The following LCORL variants were observed in gnomAD, a reference collection of about 807,000 sequenced individuals.
LCORL encodes the protein ligand-dependent nuclear receptor corepressor-like protein.
A neutral mutation model predicts 141.8 loss-of-function variants in LCORL; 41 were observed. The observed-to-expected ratio is 0.29, with a 90% confidence interval of 0.23 to 0.38. The LOEUF (loss-of-function observed/expected upper bound fraction) is 0.38. Ranked by LOEUF, LCORL falls within the 10% of genes least tolerant of loss-of-function variation. The probability of loss-of-function intolerance (pLI) is 1.00; values close to 1 mark genes in which losing one functional copy is unlikely to be tolerated. For synonymous variants in LCORL, 618 were observed against 694.1 expected, an observed-to-expected ratio of 0.89 and a Z score of 1.72; for missense variants, 1,759 against 2,035.0, an observed-to-expected ratio of 0.86 and a Z score of 2.61.
intron 5 of LCORL, among the ~76,000 whole-genome samples, chr4:17,906,190 T>C (rs1414697936): frequency 6.6e-6 from 1 of 152,220 alleles, no homozygotes; most frequent in Non-Finnish European, 1.5e-5. Flanking sequence ...TCAAAGGGTA[T>C]GTGCTTCATT....
At chr4:17,952,455 G>A (rs757690830) in intron 4 of LCORL, among the ~76,000 whole-genome samples, 6 of 135,584 alleles carry the variant, frequency 4.4e-5, no homozygotes, top group Admixed American at 8.1e-5. Flanking sequence ...TTGTTCTGTC[G>A]CCCAGGCTGG....
At chr4:17,874,808 C>T in exon 7 of LCORL, 1 of 1,233,606 alleles carries the variant, frequency 8.1e-7, no homozygotes, top group Non-Finnish European at 1.0e-6. Context: ...TTTTTGCATT[C>T]CGCGAAAGTC....
chr4:17,999,134 C>T (rs1260107330), intron 1 of LCORL, among the ~76,000 whole-genome samples: 1 of 150,406 alleles, frequency 6.6e-6, no homozygotes, highest in Non-Finnish European at 1.5e-5. Flanking sequence ...TTTGTTTGTA[C>T]TAGCATTACT....
chr4:18,021,509 A>C lies in LCORL; in HGVS notation c.154+89T>G. 1 of 1,153,832 alleles carries C rather than the reference A, an allele frequency of 8.7e-7. No individual in the cohort carries two copies. Among genetic ancestry groups the C allele is most frequent in the Non-Finnish European group, 1.2e-6 (1 of 846,544 alleles). The allele number at this position is 1,153,832 out of a possible 1,614,324, so 71.5% of individuals were successfully genotyped here. A position where few individuals can be genotyped will look rare whatever the true frequency, so the allele number is the denominator to read the frequency against. On this transcript the variant is annotated intron_variant, in intron 1 of 7. Coordinates refer to ENST00000635767, the Ensembl canonical transcript of LCORL. This position sits in a 1 kb window ranked among gnomAD's most constrained non-coding sequence, Gnocchi z 5.5. ...CCCACCGAACTAACCCGAACGGGAG[A>C]TTCAACTAAACCCCTCAGCCACAAA...
chr4:17,999,963 G>T (rs1022076497), intron 1 of LCORL, among the ~76,000 whole-genome samples: 2 of 152,108 alleles, frequency 1.3e-5, no homozygotes, highest in African/African-American at 4.8e-5. Flanking sequence ...AATAGCTGTG[G>T]GGTAGAATGA....
intron 5 of LCORL, among the ~76,000 whole-genome samples, chr4:17,903,887 A>C (rs13116461): frequency 0.022 from 3,313 of 152,134 alleles, 64 homozygotes; most frequent in Non-Finnish European, 0.035. Flanking sequence ...TTCAACAAAC[A>C]TTTACAGCAT....
exon 7 of LCORL, chr4:17,874,966 G>T: frequency 2.4e-6 from 3 of 1,233,844 alleles, no homozygotes; most frequent in Non-Finnish European, 3.0e-6. Flanking sequence ...GCTAATGAAT[G>T]TAAGAAATGC....
exon 8 of LCORL, chr4:17,844,441 G>C (rs904210698): frequency 6.6e-6 from 1 of 152,350 alleles, no homozygotes; most frequent in Admixed American, 6.6e-5. Context: ...GAAATTTTAA[G>C]ATGGAGCTAA....
Position 17,962,965 on chromosome 4 carries a change from C to A in LCORL, c.300+5G>T. The A allele has an allele frequency of 6.5e-7, 1 of 1,535,210 alleles. No individual in the cohort carries two copies. The highest frequency in any genetic ancestry group is 8.8e-7 in the Non-Finnish European group (1 of 1,131,666). On this transcript the variant is annotated splice_donor_5th_base_variant and intron_variant, in intron 3 of 7. Coordinates refer to ENST00000635767, the Ensembl canonical transcript of LCORL. ...TAAAGATAATTTCATAGCACTAAAA[C>A]TTACACTGACTGCTTCTCTCTGTAG...
chr4:17,991,329 C>T (rs965616596), intron 1 of LCORL, among the ~76,000 whole-genome samples: 5 of 152,130 alleles, frequency 3.3e-5, no homozygotes, highest in Non-Finnish European at 5.9e-5. Context: ...TTAAGGAAGG[C>T]GCCTCTAATT....
intron 4 of LCORL, among the ~76,000 whole-genome samples, chr4:17,936,814 G>T (rs2109450339): frequency 6.6e-6 from 1 of 152,142 alleles, no homozygotes; most frequent in East Asian, 1.9e-4. Context: ...CAATAACTTA[G>T]TTTAATTAGA....
chr4:18,003,411 T>G (rs762668620), intron 1 of LCORL, among the ~76,000 whole-genome samples: 4 of 148,524 alleles, frequency 2.7e-5, no homozygotes, highest in Non-Finnish European at 5.9e-5. Flanking sequence ...AGTAAAAGAT[T>G]ACTTTCAGGT....
At chr4:17,983,011 T>C (rs1437708772) in intron 1 of LCORL, among the ~76,000 whole-genome samples, 1 of 152,206 alleles carries the variant, frequency 6.6e-6, no homozygotes, top group Non-Finnish European at 1.5e-5. Context: ...GCACCATTTA[T>C]TGAAAAGGAA....
intron 7 of LCORL, among the ~76,000 whole-genome samples, chr4:17,865,807 A>C (rs570395115): frequency 6.6e-6 from 1 of 152,312 alleles, no homozygotes; most frequent in South Asian, 2.1e-4. Flanking sequence ...CATTTTAACA[A>C]GACTTGCTGG....
At chr4:17,859,144 G>T (rs188307460) in intron 7 of LCORL, among the ~76,000 whole-genome samples, 9 of 152,186 alleles carry the variant, frequency 5.9e-5, no homozygotes, top group African/African-American at 2.2e-4. Context: ...TCAGTATTCC[G>T]TAAGTTACAT....
At chr4:17,909,708 A>G (rs1234231302) in intron 4 of LCORL, among the ~76,000 whole-genome samples, 10 of 152,156 alleles carry the variant, frequency 6.6e-5, no homozygotes, top group African/African-American at 2.2e-4. Context: ...TATAAATTGT[A>G]TAAGTAACCA....
chr4:17,925,470 G>C (rs894577826), intron 4 of LCORL, among the ~76,000 whole-genome samples: 1 of 152,140 alleles, frequency 6.6e-6, no homozygotes, highest in Non-Finnish European at 1.5e-5. Flanking sequence ...TGAAGGGAAA[G>C]GGGATACAGA....
chr4:17,933,779 C>CAG (rs1418215752), intron 4 of LCORL, among the ~76,000 whole-genome samples: 1 of 151,960 alleles, frequency 6.6e-6, no homozygotes, highest in Non-Finnish European at 1.5e-5. Flanking sequence ...CTGTTGTATA[C>CAG]AGAGATAATC....
chr4:18,016,804 G>C (rs1357098845), intron 1 of LCORL, among the ~76,000 whole-genome samples: 5 of 152,028 alleles, frequency 3.3e-5, no homozygotes, highest in Non-Finnish European at 4.4e-5. Context: ...TGTTATGTAG[G>C]AAAGATACTG....
Sources: allele counts gnomAD v4.1 joint callset (sites outside exome capture counted in the v4.1 genomes callset), GRCh38; gene constraint gnomAD v4.1.1; non-coding constraint Gnocchi (gnomAD v3.1); transcripts MANE v1.5; gene names NCBI Gene and HGNC (gene_info 2026-07-23, HGNC 2026-07-21).